SLC12A8: variants seen among roughly 807,000 people sequenced by gnomAD.
SLC12A8 encodes cation-chloride cotransporter 9.
Under a neutral mutation model 75.6 loss-of-function variants are expected in SLC12A8, and 69 were observed. The ratio of observed to expected loss-of-function variants is 0.91; its 90% CI spans 0.75 to 1.11. The LOEUF is 1.11. Ranked by LOEUF, SLC12A8 falls within the 50% of genes most tolerant of loss-of-function variation. The pLI is 0.00. For synonymous variants in SLC12A8, 365 were observed against 372.8 expected (o/e 0.98, Z 0.24); for missense variants, 877 against 896.7 (o/e 0.98, Z 0.28).
At chr3:125,196,966 A>G (rs1208755134) in intron 2 of SLC12A8, among the ~76,000 whole-genome samples, 1 of 152,184 alleles carries the variant, frequency 6.6e-6, no homozygotes, top group Admixed American at 6.5e-5. Context: ...AAGACATCCC[A>G]GTGGCAATGA....
rs72971752 is a variant in SLC12A8 at position 125,211,500 on chromosome 3, T to C, written c.-45-106A>G. ...TTGTTCAAACTACCAGGCGAGGCCCTGGCTGAGGAAGAAACCTTGTCTACC... is the reference window on the plus strand; with the variant it reads ...TTGTTCAAACTACCAGGCGAGGCCCCGGCTGAGGAAGAAACCTTGTCTACC... On this transcript the variant is annotated intron_variant, in intron 1 of 13. Transcript: ENST00000469902. The C allele has an allele frequency of 1.9e-3, 1,368 of 717,276 alleles. 20 individuals are homozygous for C. The African/African-American group carries it at 0.021, about 11-fold the overall frequency. The allele number at this position is 717,276 out of a possible 1,614,324, so 44.4% of individuals were successfully genotyped here.
At chr3:125,193,825 G>A (rs1042559615) in intron 2 of SLC12A8, among the ~76,000 whole-genome samples, 2 of 152,170 alleles carry the variant, frequency 1.3e-5, no homozygotes, top group Non-Finnish European at 2.9e-5. Flanking sequence ...GGAGGAGGGG[G>A]TGGAAGCGCT....
chr3:125,101,772 G>C (rs1166042453), intron 10 of SLC12A8, among the ~76,000 whole-genome samples: 2 of 152,134 alleles, frequency 1.3e-5, no homozygotes, highest in Admixed American at 6.6e-5. Flanking sequence ...TTATTTTATA[G>C]CATCTGGTTT....
chr3:125,135,919 G>A, intron 5 of SLC12A8, 137 bp from the exon 6 acceptor site: 1 of 494,472 alleles, frequency 2.0e-6, no homozygotes. Flanking sequence ...CAGCGACAGA[G>A]CGGGTCTGCA....
chr3:125,134,786 C>T (rs1331804413), intron 6 of SLC12A8, among the ~76,000 whole-genome samples: 2 of 152,166 alleles, frequency 1.3e-5, no homozygotes, highest in Non-Finnish European at 2.9e-5. Context: ...CTGTCCCTAT[C>T]CCATTTGGGG....
intron 6 of SLC12A8, among the ~76,000 whole-genome samples, chr3:125,135,297 T>C (rs935734939): frequency 7.2e-5 from 11 of 152,332 alleles, no homozygotes; most frequent in African/African-American, 2.4e-4. Flanking sequence ...AAGAGCGGCT[T>C]GTCCTGCTGA....
chr3:125,205,744 A>G (rs1935215461), intron 2 of SLC12A8, among the ~76,000 whole-genome samples: 1 of 152,228 alleles, frequency 6.6e-6, no homozygotes, highest in South Asian at 2.1e-4. Flanking sequence ...CTTAGGACGC[A>G]TCATTTGGCA....
intron 10 of SLC12A8, among the ~76,000 whole-genome samples, chr3:125,105,074 T>TAA (rs59393574): frequency 7.4e-5 from 11 of 148,894 alleles, no homozygotes; most frequent in South Asian, 6.4e-4. Flanking sequence ...ACCAACACTT[T>TAA]AAAAAAAAAA....
At chr3:125,121,365 A>G (rs1384022961) in intron 6 of SLC12A8, among the ~76,000 whole-genome samples, 1 of 152,222 alleles carries the variant, frequency 6.6e-6, no homozygotes, top group African/African-American at 2.4e-5. Flanking sequence ...AAGCAACAAG[A>G]CAGGGTGTTC....
At chr3:125,135,828 C>T (rs1250021270) in intron 5 of SLC12A8, 46 bp from the exon 6 acceptor site, 2 of 1,112,228 alleles carry the variant, frequency 1.8e-6, no homozygotes, top group African/African-American at 3.1e-5. Context: ...TGAGAAGACA[C>T]AGGACACATT....
intron 8 of SLC12A8, among the ~76,000 whole-genome samples, chr3:125,116,468 G>A (rs1465392417): frequency 2.0e-5 from 3 of 152,162 alleles, no homozygotes; most frequent in Non-Finnish European, 4.4e-5. Context: ...GCTCATTGTC[G>A]GGACAGGTGG....
intron 2 of SLC12A8, among the ~76,000 whole-genome samples, chr3:125,201,702 GAAAAAAAAAA>G (rs141256499): frequency 1.0e-5 from 1 of 95,572 alleles, no homozygotes; most frequent in Non-Finnish European, 2.2e-5. Context: ...AGCCATGATT[GAAAAAAAAAA>G]AAAAAAAAAA....
At chr3:125,183,182 G>A (rs368482902) in intron 4 of SLC12A8, among the ~76,000 whole-genome samples, 2 of 152,192 alleles carry the variant, frequency 1.3e-5, no homozygotes, top group South Asian at 4.1e-4. Context: ...CCCCAGAGGC[G>A]GTACCCCTTC....
intron 9 of SLC12A8, 139 bp downstream of exon 9, chr3:125,110,050 T>A: frequency 1.1e-6 from 1 of 923,840 alleles, no homozygotes; most frequent in Non-Finnish European, 1.6e-6. Context: ...AGAAATGACC[T>A]CTGCATTATT....
chr3:125,129,197 C>T (rs996264828), intron 6 of SLC12A8, among the ~76,000 whole-genome samples: 5 of 152,240 alleles, frequency 3.3e-5, no homozygotes, highest in African/African-American at 1.2e-4. Flanking sequence ...CAGGACTTCA[C>T]ATGACTGATA....
intron 13 of SLC12A8, among the ~76,000 whole-genome samples, chr3:125,084,309 C>T (rs1579456561): frequency 6.6e-6 from 1 of 152,032 alleles, no homozygotes; most frequent in Middle Eastern, 3.4e-3. Context: ...GCTGTACCTA[C>T]CTGATAGGAA....
intron 4 of SLC12A8, among the ~76,000 whole-genome samples, chr3:125,183,197 C>G (rs752064619): frequency 1.6e-4 from 25 of 152,184 alleles, no homozygotes; most frequent in Non-Finnish European, 2.6e-4. Flanking sequence ...CCCTTCCAAC[C>G]TGAATGCTGC....
chr3:125,159,410 A>G (rs947338695), intron 5 of SLC12A8, among the ~76,000 whole-genome samples: 1 of 152,090 alleles, frequency 6.6e-6, no homozygotes, highest in African/African-American at 2.4e-5. Flanking sequence ...GATTTTTAAA[A>G]GGATATAAAT....
intron 5 of SLC12A8, among the ~76,000 whole-genome samples, chr3:125,174,163 G>A (rs1199471766): frequency 6.6e-6 from 1 of 152,076 alleles, no homozygotes; most frequent in Non-Finnish European, 1.5e-5. Context: ...TTTTAAAAGG[G>A]CAAAAGATCT....
Sources: allele counts gnomAD v4.1 joint callset (sites outside exome capture counted in the v4.1 genomes callset), GRCh38; gene constraint gnomAD v4.1.1; transcripts MANE v1.5; gene names NCBI Gene and HGNC (gene_info 2026-07-23, HGNC 2026-07-21).